Variants in PCDHGA12 observed in about 807,000 individuals in gnomAD.
PCDHGA12 encodes the protein protocadherin gamma-A12.
Under a neutral mutation model 61.1 loss-of-function variants are expected in PCDHGA12, and 43 were observed. The ratio of observed to expected loss-of-function variants is 0.70; its 90% CI spans 0.55 to 0.91. PCDHGA12 has a LOEUF of 0.91. PCDHGA12 is among the 40% of genes least tolerant of loss of function. The pLI is 0.00. For synonymous variants in PCDHGA12, 520 were observed against 542.9 expected (o/e 0.96, Z 0.59); for missense variants, 1,236 against 1,227.7 (o/e 1.01, Z -0.10).
At chr5:141,469,438 G>T (rs2099201339) in intron 1 of PCDHGA12, among the ~76,000 whole-genome samples, 1 of 152,112 alleles carries the variant, frequency 6.6e-6, no homozygotes, top group African/African-American at 2.4e-5. Flanking sequence ...AGCTGGGCGT[G>T]GTGGTGCACA....
chr5:141,476,922 C>T lies in PCDHGA12; in HGVS notation c.2425-17885C>T. 4 of 1,614,120 alleles carry T rather than the reference C, an allele frequency of 2.5e-6. No individual in the cohort carries two copies. Among genetic ancestry groups the T allele is most frequent in the Non-Finnish European group, 2.5e-6 (3 of 1,180,050 alleles). On this transcript the variant is annotated intron_variant, in intron 1 of 3. Transcript: ENST00000252085. The surrounding 1 kb of genome is among the most constrained non-coding windows in gnomAD (Gnocchi z 7.6). ...ACGCGCGTGGTACAAGTCCTTGCAA[C>T]GGATCTGGATGAAGGCCCCAACGGT...
At chr5:141,474,345 G>A (rs541613646) in intron 1 of PCDHGA12, among the ~76,000 whole-genome samples, 7 of 152,124 alleles carry the variant, frequency 4.6e-5, no homozygotes, top group African/African-American at 7.2e-5. Flanking sequence ...TTGTTAAAAT[G>A]TAAGTCATGT....
chr5:141,490,130 C>A lies in PCDHGA12; in HGVS notation c.2425-4677C>A, dbSNP rs535362535. On this transcript the variant is annotated intron_variant, in intron 1 of 3. Coordinates refer to ENST00000252085, the MANE Select transcript of PCDHGA12 (RefSeq NM_003735.3). The surrounding 1 kb of genome is among the most constrained non-coding windows in gnomAD (Gnocchi z 5.4). ...GTGCGGAACCTCTTTGGCCTAGACC[C>A]TAGCAGTGGGGCAATCCATGTGTTG... 11 of 1,614,242 alleles carry A rather than the reference C, an allele frequency of 6.8e-6. No individual in the cohort carries two copies. In the African/African-American group the frequency reaches 1.3e-4, roughly 20 times the overall value.
intron 1 of PCDHGA12, among the ~76,000 whole-genome samples, chr5:141,439,161 C>T (rs1384707803): frequency 6.6e-6 from 1 of 150,850 alleles, no homozygotes; most frequent in Non-Finnish European, 1.5e-5. Flanking sequence ...CCACTGCACT[C>T]CAGCCTGGGC....
intron 2 of PCDHGA12, among the ~76,000 whole-genome samples, chr5:141,502,866 C>CTTTTTTCTT (rs2099816532): frequency 7.8e-6 from 1 of 128,046 alleles, no homozygotes; most frequent in African/African-American, 3.1e-5. Context: ...GACTCTCTGT[C>CTTTTTTCTT]TTTTTTTTTT....
Position 141,431,877 on chromosome 5 carries a change from A to G in PCDHGA12, c.1118A>G (p.Asp373Gly). Residue 373 changes from aspartate to glycine, a missense_variant, in exon 1 of 4, where the codon GAC becomes GGC. By Grantham distance (94) the Asp-to-Gly change is moderately conservative. Coordinates refer to ENST00000252085, the MANE Select transcript of PCDHGA12 (RefSeq NM_003735.3). The surrounding 1 kb of genome is among the most constrained non-coding windows in gnomAD (Gnocchi z 4.8). ...GTLIALLNVN[D>G]QDSEENGQVI... ...TTAATTGCCCTTTTAAATGTAAATG[A>G]CCAAGATTCTGAGGAAAACGGACAG... is the stretch of plus-strand genomic sequence containing the variant. 8 of 1,614,230 alleles carry G rather than the reference A, an allele frequency of 5.0e-6. No individual in the cohort carries two copies. Among genetic ancestry groups the G allele is most frequent in the Non-Finnish European group, 6.8e-6 (8 of 1,180,016 alleles).
chr5:141,437,664 A>G (rs10035418), intron 1 of PCDHGA12, among the ~76,000 whole-genome samples: 45,525 of 151,942 alleles, frequency 0.3, 8,040 homozygotes, highest in African/African-American at 0.5. Context: ...AGTTTCGAAG[A>G]GATGTTGATC....
chr5:141,487,675 A>G lies in PCDHGA12; in HGVS notation c.2425-7132A>G, dbSNP rs752606441. ...GTTATTCTGATCCAGGCATATGGCT[A>G]GGCCATGTCCTAGAGAGTACTGGCC... On this transcript the variant is annotated intron_variant, in intron 1 of 3. Transcript: ENST00000252085. This position sits in a 1 kb window ranked among gnomAD's most constrained non-coding sequence, Gnocchi z 5.0. 22 of 1,611,038 alleles carry G rather than the reference A, an allele frequency of 1.4e-5. No individual in the cohort carries two copies. Among genetic ancestry groups the G allele is most frequent in the Non-Finnish European group, 1.7e-5 (20 of 1,178,458 alleles).
intron 1 of PCDHGA12, 72 bp from the exon 2 acceptor site, chr5:141,494,735 A>C: frequency 6.2e-7 from 1 of 1,610,712 alleles, no homozygotes; most frequent in Middle Eastern, 1.7e-4. Context: ...CTCCCGGCCC[A>C]TCCCTAGGGG....
intron 1 of PCDHGA12, among the ~76,000 whole-genome samples, chr5:141,463,316 T>A (rs1290852110): frequency 1.3e-5 from 2 of 151,806 alleles, no homozygotes; most frequent in African/African-American, 2.4e-5. Flanking sequence ...TAATATCTAT[T>A]CCTCAACTCA....
Position 141,505,474 on chromosome 5 carries a change from C to T in PCDHGA12, c.2565C>T (p.Ser855=), listed in dbSNP as rs751690779. The stretch of plus-strand genomic sequence containing the variant: ...TGCTGCAAGCCATGATCTTGGCGTC[C>T]GCCAGTGGTAAGTGGTGTCAGTGTG... ...TEMLQAMILA[S]ASEAADGSST... Residue 855 remains serine, a synonymous_variant, in exon 3 of 4, where the codon TCC becomes TCT. Transcript: ENST00000252085. 2.2e-5 allele frequency: 36 copies of T among 1,614,090 alleles called. No individual in the cohort carries two copies. The highest frequency in any genetic ancestry group is 5.3e-5 in the African/African-American group (4 of 74,934).
chr5:141,491,845 G>A lies in PCDHGA12; in HGVS notation c.2425-2962G>A. 6.8e-7 allele frequency: 1 copy of A among 1,463,944 alleles called. No homozygotes were observed. The highest frequency in any genetic ancestry group is 9.0e-7 in the Non-Finnish European group (1 of 1,106,126). 90.7% of individuals were successfully genotyped at this position (1,463,944 alleles called of 1,614,324 possible). ...CTCCACCCGATTCTCGGGATCATTGGACCGTTTGCGCGAAACCAGAGTGGC... is the reference window on the plus strand; with the variant it reads ...CTCCACCCGATTCTCGGGATCATTGAACCGTTTGCGCGAAACCAGAGTGGC... On this transcript the variant is annotated intron_variant, in intron 1 of 3. Coordinates refer to ENST00000252085, the MANE Select transcript of PCDHGA12 (RefSeq NM_003735.3). This position sits in a 1 kb window ranked among gnomAD's most constrained non-coding sequence, Gnocchi z 6.9.
chr5:141,455,047 C>T (rs2098811276), intron 1 of PCDHGA12, among the ~76,000 whole-genome samples: 1 of 150,004 alleles, frequency 6.7e-6, no homozygotes, highest in African/African-American at 2.5e-5. Context: ...CTCCTGACCT[C>T]GTGATCCGCC....
At chr5:141,501,013 C>T (rs1456343329) in intron 2 of PCDHGA12, among the ~76,000 whole-genome samples, 2 of 151,970 alleles carry the variant, frequency 1.3e-5, no homozygotes, top group Non-Finnish European at 2.9e-5. Context: ...GGACTACAGG[C>T]ACGCGCCACC....
chr5:141,430,850 A>T lies in PCDHGA12; in HGVS notation c.91A>T (p.Ile31Leu), dbSNP rs1204872595. The T allele has an allele frequency of 6.3e-7, 1 of 1,582,670 alleles. No homozygotes were observed. The highest frequency in any genetic ancestry group is 1.2e-5 in the South Asian group (1 of 85,088). ...TCTGTGGGAGACCGGATGCACCCAG[A>T]TACGCTATTCAGTTCCGGAAGAGCT... Reference protein sequence around the residue: ...GTLWETGCTQIRYSVPEELEK... With the variant: ...GTLWETGCTQLRYSVPEELEK... The change falls in exon 1 of 4, where the codon ATA (isoleucine) becomes TTA (leucine). Residue 31 changes from isoleucine (I) to leucine (L), a missense_variant. Ile to Leu is a conservative substitution (Grantham distance 5). Coordinates refer to ENST00000252085, the MANE Select transcript of PCDHGA12 (RefSeq NM_003735.3).
At chr5:141,481,465 T>C (rs561789315) in intron 1 of PCDHGA12, among the ~76,000 whole-genome samples, 2 of 152,334 alleles carry the variant, frequency 1.3e-5, no homozygotes, top group South Asian at 2.1e-4. Context: ...CTGAAAACCA[T>C]TGGATTATAC....
chr5:141,494,927 G>A, intron 2 of PCDHGA12, 62 bp downstream of exon 2: 1 of 1,613,516 alleles, frequency 6.2e-7, no homozygotes, highest in Non-Finnish European at 8.5e-7. Flanking sequence ...GATGACGTGG[G>A]AGGAGATGGG....
In PCDHGA12 at chr5:141,489,782, A is replaced by C. The variant is rs770399288; in HGVS notation, c.2425-5025A>C. On this transcript the variant is annotated intron_variant, in intron 1 of 3. Coordinates refer to ENST00000252085, the MANE Select transcript of PCDHGA12 (RefSeq NM_003735.3). The surrounding 1 kb of genome is among the most constrained non-coding windows in gnomAD (Gnocchi z 4.5). ...AGCCCCAACAGCCACTTCTCTCTGA[A>C]TGTGAAGACCCTAAAAGATGGGAAG... 2 of 1,614,078 alleles carry C rather than the reference A, an allele frequency of 1.2e-6. No homozygotes were observed. The highest frequency in any genetic ancestry group is 2.2e-5 in the East Asian group (1 of 44,894).
At position 141,432,957 on chromosome 5, in the gene PCDHGA12, C is replaced by T. The variant is rs2097553676; in HGVS notation, c.2198C>T (p.Thr733Ile). 1 of 1,614,190 alleles carries T rather than the reference C, an allele frequency of 6.2e-7. No individual in the cohort carries two copies. The highest frequency in any genetic ancestry group is 8.5e-7 in the Non-Finnish European group (1 of 1,180,030). ...RLLQASGGGL[T>I]GAPASHFVGV... ...CTGCAGGCTTCAGGAGGCGGCTTGA[C>T]AGGAGCGCCGGCGTCGCACTTTGTG... The change falls in exon 1 of 4, where the codon ACA (threonine) becomes ATA (isoleucine). Residue 733 changes from threonine to isoleucine, a missense_variant. Coordinates refer to ENST00000252085, the MANE Select transcript of PCDHGA12 (RefSeq NM_003735.3). This position sits in a 1 kb window ranked among gnomAD's most constrained non-coding sequence, Gnocchi z 6.0.
Sources: allele counts gnomAD v4.1 joint callset (sites outside exome capture counted in the v4.1 genomes callset), GRCh38; gene constraint gnomAD v4.1.1; non-coding constraint Gnocchi (gnomAD v3.1); transcripts MANE v1.5; gene names NCBI Gene and HGNC (gene_info 2026-07-23, HGNC 2026-07-21).